Variants in SDK1 observed in about 807,000 individuals in gnomAD.
The protein encoded by SDK1 is sidekick cell adhesion molecule 1, also known as protein sidekick-1.
In SDK1, 157 loss-of-function variants were observed where a neutral mutation model predicts 245.5. That is an observed-to-expected ratio of 0.64 (90% CI 0.56 to 0.73). The LOEUF is 0.73. Among genes scored for constraint, SDK1 ranks in the 30% least tolerant of loss-of-function variants. The pLI, the probability that SDK1 is intolerant of heterozygous loss-of-function variation, is 0.00. For synonymous variants in SDK1, 1,647 were observed against 1,278.5 expected, an observed-to-expected ratio of 1.29 and a Z score of -6.15; for missense variants, 3,583 against 3,002.3, an observed-to-expected ratio of 1.19 and a Z score of -4.52.
At chr7:3,907,724 C>T (rs1335172277) in intron 5 of SDK1, among the ~76,000 whole-genome samples, 1 of 152,234 alleles carries the variant, frequency 6.6e-6, no homozygotes, top group Non-Finnish European at 1.5e-5. Flanking sequence ...AGCACCGCAA[C>T]AGCAGAGGTG....
At chr7:3,711,202 A>T (rs1785040320) in intron 4 of SDK1, among the ~76,000 whole-genome samples, 1 of 152,216 alleles carries the variant, frequency 6.6e-6, no homozygotes, top group African/African-American at 2.4e-5. Flanking sequence ...GTATTTCTAA[A>T]TATTTTTGCA....
At chr7:4,150,588 G>C (rs924779770) in intron 30 of SDK1, among the ~76,000 whole-genome samples, 1 of 152,204 alleles carries the variant, frequency 6.6e-6, no homozygotes, top group Non-Finnish European at 1.5e-5. Context: ...GTGGCGCCCA[G>C]CCATCCTCGT....
chr7:4,191,179 GTCC>G (rs1562411015), intron 35 of SDK1, among the ~76,000 whole-genome samples: 1 of 152,062 alleles, frequency 6.6e-6, no homozygotes, highest in Non-Finnish European at 1.5e-5. Flanking sequence ...CACAGTGGGT[GTCC>G]TCATGGCCCC....
intron 1 of SDK1, among the ~76,000 whole-genome samples, chr7:3,559,389 T>G (rs1779680521): frequency 6.6e-6 from 1 of 152,170 alleles, no homozygotes; most frequent in African/African-American, 2.4e-5. Flanking sequence ...GGACTCTGCT[T>G]GGATCCATTT....
At chr7:3,898,943 A>AT (rs1405939648) in intron 5 of SDK1, among the ~76,000 whole-genome samples, 1 of 152,232 alleles carries the variant, frequency 6.6e-6, no homozygotes, top group East Asian at 1.9e-4. Flanking sequence ...TTTGTAAACA[A>AT]ATTATCATAA....
chr7:3,525,384 T>C (rs1268573030), intron 1 of SDK1, among the ~76,000 whole-genome samples: 1 of 152,112 alleles, frequency 6.6e-6, no homozygotes, highest in African/African-American at 2.4e-5. Context: ...AAAATCCTCC[T>C]TGCTCCTGGG....
chr7:3,566,803 A>G (rs973991682), intron 1 of SDK1, among the ~76,000 whole-genome samples: 6 of 152,176 alleles, frequency 3.9e-5, no homozygotes, highest in Non-Finnish European at 8.8e-5. Flanking sequence ...GTGAACGCAA[A>G]AGGCTAACCA....
At chr7:4,149,682 C>T (rs1462469591) in intron 30 of SDK1, among the ~76,000 whole-genome samples, 1 of 152,160 alleles carries the variant, frequency 6.6e-6, no homozygotes, top group African/African-American at 2.4e-5. Flanking sequence ...CCGGAGTCTG[C>T]TCTTCCAGGT....
chr7:4,070,400 C>T (rs920423282), intron 20 of SDK1, among the ~76,000 whole-genome samples: 5 of 152,178 alleles, frequency 3.3e-5, no homozygotes, highest in African/African-American at 9.6e-5. Flanking sequence ...TGCTCTGACC[C>T]GGAAATGGAG....
chr7:4,248,599 TACAC>T (rs1259451449), intron 44 of SDK1, among the ~76,000 whole-genome samples: 2 of 151,686 alleles, frequency 1.3e-5, no homozygotes, highest in East Asian at 1.9e-4. Flanking sequence ...CATACTTAAA[TACAC>T]ACAAACATGC....
In SDK1 at chr7:4,208,233, C is replaced by T. The variant is rs768047077; in HGVS notation, c.5349C>T (p.Ala1783=). Residue 1783 remains alanine (A), a synonymous_variant, in exon 37 of 45, where the codon GCC becomes GCT. Transcript: ENST00000404826. The stretch of plus-strand genomic sequence containing the variant: ...TGGTCAGCATATCAGCCTTCAACGC[C>T]GCCGGAGATGGACCTAAGAGTGACC... ...KYLVSISAFN[A]AGDGPKSDPQ... The T allele has an allele frequency of 8.1e-6, 13 of 1,613,924 alleles. No homozygotes were observed. The highest frequency in any genetic ancestry group is 4.0e-5 in the African/African-American group (3 of 74,930).
Position 3,865,483 on chromosome 7 carries a change from G to A in SDK1, c.847+43900G>A, listed in dbSNP as rs182664084. 1.5e-3 allele frequency among the ~76,000 whole-genome samples: 235 copies of A among 152,284 alleles called. 2 individuals carry two copies. Among genetic ancestry groups the A allele is most frequent in the African/African-American group, 5.5e-3 (229 of 41,566 alleles). ...AATAGCCACCAGATAGAAACCAGGTGTCTATTTTCCCTGAGTTCTTTTATT... is the reference window on the plus strand; with the variant it reads ...AATAGCCACCAGATAGAAACCAGGTATCTATTTTCCCTGAGTTCTTTTATT... On this transcript the variant is annotated intron_variant, in intron 5 of 44. Coordinates refer to ENST00000404826, the MANE Select transcript of SDK1 (RefSeq NM_152744.4).
chr7:4,194,468 G>GTA (rs61217901), intron 35 of SDK1, among the ~76,000 whole-genome samples: 2,505 of 97,834 alleles, frequency 0.026, 27 homozygotes, highest in South Asian at 0.033. Context: ...ATGTGTGTGT[G>GTA]TATATATATA....
At position 3,806,726 on chromosome 7, in the gene SDK1, A is replaced by G. The variant is rs185997691; in HGVS notation, c.714-14724A>G. On this transcript the variant is annotated intron_variant, in intron 4 of 44. Coordinates refer to ENST00000404826, the MANE Select transcript of SDK1 (RefSeq NM_152744.4). ...GTTCTCTGAGGAGATGAATGGAGCA[A>G]TTACGTTTTATGTTATTGTGTTGTG... 5.5e-4 allele frequency among the ~76,000 whole-genome samples: 84 copies of G among 152,338 alleles called. 1 individual carries two copies. Among genetic ancestry groups the G allele is most frequent in the African/African-American group, 1.5e-3 (62 of 41,586 alleles).
rs1370943294 is a variant in SDK1, at chr7:3,750,042, C to T, written c.714-71408C>T. Among the ~76,000 whole-genome samples, 5 of 152,262 alleles carry T rather than the reference C, an allele frequency of 3.3e-5. No individual in the cohort carries two copies. The East Asian group carries it at 9.6e-4, about 29-fold the overall frequency. ...TGGTTAAAACGTGTGTGTTAGGGTC[C>T]AATAAGTGACTTCTTTGCCTAGCAG... On this transcript the variant is annotated intron_variant, in intron 4 of 44. Transcript: ENST00000404826.
chr7:3,759,325 T>C (rs1780026244), intron 4 of SDK1, among the ~76,000 whole-genome samples: 1 of 152,122 alleles, frequency 6.6e-6, no homozygotes, highest in Non-Finnish European at 1.5e-5. Flanking sequence ...GGCTATTGAA[T>C]CATAGAAACA....
At chr7:3,509,129 A>C (rs1782495809) in intron 1 of SDK1, among the ~76,000 whole-genome samples, 1 of 152,032 alleles carries the variant, frequency 6.6e-6, no homozygotes, top group South Asian at 2.1e-4. Flanking sequence ...ATACTCAGAC[A>C]CACAGACATC....
rs1788367157 is a variant in SDK1, at chr7:4,265,017, C to T, written c.6382-107C>T. 9 of 1,487,790 alleles carry T rather than the reference C, an allele frequency of 6.0e-6. 1 individual carries two copies. In the South Asian group the frequency reaches 7.8e-5, roughly 13 times the overall value. 92.2% of individuals were successfully genotyped at this position (1,487,790 alleles called of 1,614,324 possible). On this transcript the variant is annotated intron_variant, in intron 44 of 44. Coordinates refer to ENST00000404826, the MANE Select transcript of SDK1 (RefSeq NM_152744.4). ...GGGGTGGGGAGAGGGCTGGAGACCG[C>T]GACACACGCCCCTGGGGAGGTGCCC...
At chr7:3,609,113 TTAA>T (rs750221210) in intron 1 of SDK1, among the ~76,000 whole-genome samples, 44 of 152,234 alleles carry the variant, frequency 2.9e-4, no homozygotes, top group Non-Finnish European at 4.8e-4. Flanking sequence ...GTCTTTTGTA[TTAA>T]TAATGTAATG....
Sources: allele counts gnomAD v4.1 joint callset (sites outside exome capture counted in the v4.1 genomes callset), GRCh38; gene constraint gnomAD v4.1.1; transcripts MANE v1.5; gene names NCBI Gene and HGNC (gene_info 2026-07-23, HGNC 2026-07-21).